HIPK2: variants seen among roughly 807,000 people sequenced by gnomAD.
HIPK2 encodes the protein homeodomain interacting protein kinase 2.
A neutral mutation model predicts 113.7 loss-of-function variants in HIPK2; 27 were observed. That is an observed-to-expected ratio of 0.24 (90% confidence interval 0.17 to 0.33). The LOEUF is 0.33. HIPK2 is among the 10% of genes least tolerant of loss of function. The probability of loss-of-function intolerance (pLI) is 1.00; values close to 1 mark genes in which losing one functional copy is unlikely to be tolerated. For missense variants in HIPK2, 1,257 were observed against 1,588.0 expected (o/e 0.79, Z 3.54); for synonymous variants, 631 against 642.2 (o/e 0.98, Z 0.26).
At chr7:139,671,828 G>A (rs1802314093) in intron 2 of HIPK2, among the ~76,000 whole-genome samples, 1 of 152,152 alleles carries the variant, frequency 6.6e-6, no homozygotes, top group Non-Finnish European at 1.5e-5. Context: ...GATTATAGGT[G>A]TGCGCCACTG....
At chr7:139,717,379 G>T (rs1357194021) in intron 1 of HIPK2, among the ~76,000 whole-genome samples, 1 of 152,138 alleles carries the variant, frequency 6.6e-6, no homozygotes, top group African/African-American at 2.4e-5. Flanking sequence ...AACTCAGGAG[G>T]CTCTGCTGTC....
intron 1 of HIPK2, among the ~76,000 whole-genome samples, chr7:139,770,322 A>G (rs1796628041): frequency 6.6e-6 from 1 of 152,226 alleles, no homozygotes; most frequent in Non-Finnish European, 1.5e-5. Context: ...CCTCGGCATT[A>G]TAACCCTGTG....
At chr7:139,642,337 G>T (rs1260674741) in intron 2 of HIPK2, among the ~76,000 whole-genome samples, 2 of 152,222 alleles carry the variant, frequency 1.3e-5, no homozygotes, top group African/African-American at 2.4e-5. Flanking sequence ...CAGGACCCAA[G>T]AAACAGTGGC....
rs1185206315 is a variant in HIPK2, at chr7:139,568,705, C to G, written c.*4222G>C. ...CATCCCTCTGCTTGAGAGCTTGGTC[C>G]TAGTGACAGCAGCCTATTTGCTAAG... is the stretch of plus-strand genomic sequence containing the variant. On this transcript the variant is annotated 3_prime_UTR_variant, in exon 15 of 15. Coordinates refer to ENST00000406875, the MANE Select transcript of HIPK2 (RefSeq NM_022740.5). 3.9e-5 allele frequency: 6 copies of G among 152,272 alleles called. No individual in the cohort carries two copies. The highest frequency in any genetic ancestry group is 1.4e-4 in the African/African-American group (6 of 41,458). 9.4% of individuals were successfully genotyped at this position (152,272 alleles called of 1,614,324 possible).
In HIPK2 at chr7:139,714,224, C is replaced by G. The variant is rs1041418996; in HGVS notation, c.1103+1708G>C. 1.3e-5 allele frequency among the ~76,000 whole-genome samples: 2 copies of G among 152,194 alleles called. No individual in the cohort carries two copies. Among genetic ancestry groups the G allele is most frequent in the African/African-American group, 2.4e-5 (1 of 41,446 alleles). The stretch of plus-strand genomic sequence containing the variant: ...CAGGGCAGGGCAGAGAAGAGGCTCG[C>G]AGAGAGCTGTTCTAACTCAGGAAAT... On this transcript the variant is annotated intron_variant, in intron 2 of 14. Transcript: ENST00000406875. This position sits in a 1 kb window ranked among gnomAD's most constrained non-coding sequence, Gnocchi z 4.2.
At chr7:139,620,184 C>T (rs1411381536) in intron 7 of HIPK2, among the ~76,000 whole-genome samples, 1 of 152,160 alleles carries the variant, frequency 6.6e-6, no homozygotes, top group African/African-American at 2.4e-5. Context: ...AAGAATGGCC[C>T]TCACCAGTCC....
chr7:139,719,032 G>A (rs1460090522), intron 1 of HIPK2, among the ~76,000 whole-genome samples: 2 of 152,160 alleles, frequency 1.3e-5, no homozygotes, highest in African/African-American at 4.8e-5. Flanking sequence ...TGCTGACCAC[G>A]ACTTCCTTCT....
chr7:139,673,637 G>GT (rs1802383170), intron 2 of HIPK2, among the ~76,000 whole-genome samples: 1 of 152,108 alleles, frequency 6.6e-6, no homozygotes, highest in Admixed American at 6.5e-5. Context: ...TTCTCTAACT[G>GT]TTTCATGTGG....
chr7:139,775,506 G>A (rs1796724284), intron 1 of HIPK2, among the ~76,000 whole-genome samples: 1 of 152,158 alleles, frequency 6.6e-6, no homozygotes, highest in Admixed American at 6.5e-5. Context: ...AAGGTGCACA[G>A]ATAAACATCC....
At position 139,613,458 on chromosome 7, in the gene HIPK2, C is replaced by T. The variant is rs1439379194; in HGVS notation, c.1991-135G>A. On this transcript the variant is annotated intron_variant, in intron 8 of 14. Coordinates refer to ENST00000406875, the MANE Select transcript of HIPK2 (RefSeq NM_022740.5). This position sits in a 1 kb window ranked among gnomAD's most constrained non-coding sequence, Gnocchi z 4.2. ...GGTCACTGACAACAACCAGGTATTG[C>T]CTGGTCCTTGGAAGTCTCCCCTTTG... The T allele has an allele frequency of 2.9e-6, 3 of 1,043,240 alleles. No homozygotes were observed. Among genetic ancestry groups the T allele is most frequent in the African/African-American group, 3.2e-5 (2 of 61,728 alleles). The allele number at this position is 1,043,240 out of a possible 1,614,324, so 64.6% of individuals were successfully genotyped here. A position where few individuals can be genotyped will look rare whatever the true frequency, so the allele number is the denominator to read the frequency against.
chr7:139,588,290 C>T (rs1324494017), intron 12 of HIPK2, among the ~76,000 whole-genome samples: 1 of 151,638 alleles, frequency 6.6e-6, no homozygotes. Context: ...CACACTCTAG[C>T]CTGGGTGACA....
intron 2 of HIPK2, among the ~76,000 whole-genome samples, chr7:139,698,419 G>A (rs1794621180): frequency 6.6e-6 from 1 of 152,144 alleles, no homozygotes; most frequent in Non-Finnish European, 1.5e-5. Context: ...CTATGAACAT[G>A]CATGTACAAG....
At chr7:139,719,305 T>C (rs12703062) in intron 1 of HIPK2, among the ~76,000 whole-genome samples, 53,696 of 151,856 alleles carry the variant, frequency 0.35, 13,090 homozygotes, top group African/African-American at 0.69. Flanking sequence ...CGGGGTTTCA[T>C]GTTGGCCAGG....
Position 139,673,276 on chromosome 7 carries a change from T to G in HIPK2, c.1104-41551A>C, listed in dbSNP as rs112841728. 4.2e-3 allele frequency among the ~76,000 whole-genome samples: 640 copies of G among 151,648 alleles called. 4 individuals are homozygous for G. Among genetic ancestry groups the G allele is most frequent in the African/African-American group, 0.012 (503 of 41,300 alleles). On this transcript the variant is annotated intron_variant, in intron 2 of 14. Coordinates refer to ENST00000406875, the MANE Select transcript of HIPK2 (RefSeq NM_022740.5). ...ATCAGCTGGAAACAAACTGAAGGAGTGTGTTGGCTAGCAACACATAATGAG... is the reference window on the plus strand; with the variant it reads ...ATCAGCTGGAAACAAACTGAAGGAGGGTGTTGGCTAGCAACACATAATGAG...
At chr7:139,709,641 C>T (rs1326788742) in intron 2 of HIPK2, among the ~76,000 whole-genome samples, 1 of 152,144 alleles carries the variant, frequency 6.6e-6, no homozygotes, top group Non-Finnish European at 1.5e-5. Flanking sequence ...AACACAGGCC[C>T]AGGTCATAAT....
intron 12 of HIPK2, among the ~76,000 whole-genome samples, chr7:139,592,800 C>T (rs1194284844): frequency 6.6e-6 from 1 of 152,242 alleles, no homozygotes; most frequent in South Asian, 2.1e-4. Flanking sequence ...ACCAGTTCTA[C>T]TACTTAATCC....
chr7:139,729,953 A>C (rs908043885), intron 1 of HIPK2, among the ~76,000 whole-genome samples: 2 of 152,182 alleles, frequency 1.3e-5, no homozygotes, highest in Non-Finnish European at 2.9e-5. Flanking sequence ...CTACTGGTTC[A>C]AAATCCTCAC....
chr7:139,735,621 G>A (rs1158240468), intron 1 of HIPK2, among the ~76,000 whole-genome samples: 1 of 152,214 alleles, frequency 6.6e-6, no homozygotes, highest in African/African-American at 2.4e-5. Context: ...GATGGGCCAA[G>A]GGGAGAAGAG....
chr7:139,651,286 G>A (rs1801449330), intron 2 of HIPK2, among the ~76,000 whole-genome samples: 1 of 152,198 alleles, frequency 6.6e-6, no homozygotes, highest in South Asian at 2.1e-4. Flanking sequence ...CTGAACGGAT[G>A]GCATGAAGTT....
Sources: allele counts gnomAD v4.1 joint callset (sites outside exome capture counted in the v4.1 genomes callset), GRCh38; gene constraint gnomAD v4.1.1; non-coding constraint Gnocchi (gnomAD v3.1); transcripts MANE v1.5; gene names NCBI Gene and HGNC (gene_info 2026-07-23, HGNC 2026-07-21).